Variants in ADGRB3 observed in about 807,000 individuals in gnomAD.
ADGRB3 encodes brain-specific angiogenesis inhibitor 3.
ADGRB3 carries 37 observed loss-of-function variants against 193.4 expected under a neutral mutation model. The observed-to-expected ratio is 0.19, with a 90% CI of 0.15 to 0.25. The LOEUF (loss-of-function observed/expected upper bound fraction) is 0.25, where lower values mean the gene tolerates loss of function less well. ADGRB3 is among the 10% of genes least tolerant of loss of function. ADGRB3 has a pLI of 1.00. For synonymous variants in ADGRB3, 690 were observed against 644.2 expected, an observed-to-expected ratio of 1.07 and a Z score of -1.08; for missense variants, 1,637 against 1,852.9, an observed-to-expected ratio of 0.88 and a Z score of 2.14.
At chr6:68,964,952 T>G (rs1768335744) in intron 8 of ADGRB3, among the ~76,000 whole-genome samples, 1 of 152,180 alleles carries the variant, frequency 6.6e-6, no homozygotes, top group African/African-American at 2.4e-5. Context: ...GAGAATGGAC[T>G]CAACTATTTG....
chr6:69,239,059 C>A, intron 19 of ADGRB3, 65 bp from the exon 20 acceptor site: 1 of 869,992 alleles, frequency 1.1e-6, no homozygotes, highest in Non-Finnish European at 1.8e-6. Flanking sequence ...TCAGTTTGCA[C>A]AATATATAAT....
At chr6:68,729,374 A>G (rs1317626961) in intron 3 of ADGRB3, among the ~76,000 whole-genome samples, 1 of 151,674 alleles carries the variant, frequency 6.6e-6, no homozygotes, top group Non-Finnish European at 1.5e-5. Flanking sequence ...CCTTGACTAT[A>G]GTACAGAAAT....
At chr6:68,759,896 C>T (rs1260111957) in intron 3 of ADGRB3, among the ~76,000 whole-genome samples, 2 of 151,854 alleles carry the variant, frequency 1.3e-5, no homozygotes, top group Non-Finnish European at 2.9e-5. Flanking sequence ...TAAAATTTGA[C>T]CTAACAAAAT....
chr6:69,087,021 T>TAC (rs1772570518), intron 17 of ADGRB3, among the ~76,000 whole-genome samples: 1 of 152,124 alleles, frequency 6.6e-6, no homozygotes, highest in African/African-American at 2.4e-5. Flanking sequence ...TCCAACAAGG[T>TAC]ACTACTTGCT....
chr6:69,224,451 A>G (rs1019581277), intron 17 of ADGRB3, among the ~76,000 whole-genome samples: 2 of 152,204 alleles, frequency 1.3e-5, no homozygotes, highest in African/African-American at 4.8e-5. Context: ...CCAGACCAAC[A>G]GTTTTTTTGA....
At chr6:69,334,876 A>T (rs919236243) in intron 24 of ADGRB3, among the ~76,000 whole-genome samples, 12 of 152,188 alleles carry the variant, frequency 7.9e-5, no homozygotes, top group African/African-American at 2.9e-4. Context: ...CTCATCTGTT[A>T]AATGGGGAAA....
intron 20 of ADGRB3, among the ~76,000 whole-genome samples, chr6:69,276,606 C>G (rs1448478915): frequency 2.6e-5 from 4 of 151,920 alleles, no homozygotes; most frequent in Non-Finnish European, 5.9e-5. Flanking sequence ...TTTTTTCCCC[C>G]GGGCTCAGGA....
chr6:69,140,588 G>T (rs182324555), intron 17 of ADGRB3, among the ~76,000 whole-genome samples: 2 of 151,980 alleles, frequency 1.3e-5, no homozygotes, highest in Admixed American at 1.3e-4. Context: ...GCATTTAATC[G>T]CAAAACAGGA....
intron 3 of ADGRB3, among the ~76,000 whole-genome samples, chr6:68,893,331 G>A (rs2342760): frequency 1.3e-5 from 2 of 151,726 alleles, no homozygotes; most frequent in African/African-American, 4.8e-5. Flanking sequence ...TAATAAAATT[G>A]TATTTCACTA....
chr6:69,277,657 A>T (rs184789107), intron 20 of ADGRB3, among the ~76,000 whole-genome samples: 6 of 152,232 alleles, frequency 3.9e-5, no homozygotes, highest in Admixed American at 1.3e-4. Context: ...TATAGAGCTA[A>T]TGCTTCTCCC....
chr6:68,761,001 T>C (rs1158807096), intron 3 of ADGRB3, among the ~76,000 whole-genome samples: 1 of 152,232 alleles, frequency 6.6e-6, no homozygotes. Flanking sequence ...GTCTTCCAGT[T>C]AAATGGCTTG....
At chr6:68,813,799 A>G (rs1318218789) in intron 3 of ADGRB3, among the ~76,000 whole-genome samples, 1 of 152,136 alleles carries the variant, frequency 6.6e-6, no homozygotes, top group Non-Finnish European at 1.5e-5. Context: ...GAGTGAGAAC[A>G]TGCAGTGTTT....
intron 3 of ADGRB3, among the ~76,000 whole-genome samples, chr6:68,663,522 G>C (rs1768720959): frequency 6.6e-6 from 1 of 151,624 alleles, no homozygotes; most frequent in Non-Finnish European, 1.5e-5. Flanking sequence ...TATTTGCTTA[G>C]ATCTGCCATT....
intron 20 of ADGRB3, among the ~76,000 whole-genome samples, chr6:69,306,435 A>G (rs943181778): frequency 6.6e-6 from 1 of 151,488 alleles, no homozygotes; most frequent in African/African-American, 2.4e-5. Context: ...TTCCTAAATC[A>G]TGGATTCATT....
At chr6:68,741,092 G>C (rs1386849991) in intron 3 of ADGRB3, among the ~76,000 whole-genome samples, 1 of 151,918 alleles carries the variant, frequency 6.6e-6, no homozygotes, top group African/African-American at 2.4e-5. Context: ...CAGTTTGCTT[G>C]ACAGGAAAAA....
In ADGRB3 at chr6:68,935,154, C is replaced by T. The variant is rs961565376; in HGVS notation, c.869-1365C>T. Reference sequence around the variant, plus strand: ...GATCAGTGTTTGTCCGCAAACTGGCCGTTATGGTCTCTCAAAGGAATAAGC... The same window carrying T: ...GATCAGTGTTTGTCCGCAAACTGGCTGTTATGGTCTCTCAAAGGAATAAGC... On this transcript the variant is annotated intron_variant, in intron 4 of 31. Transcript: ENST00000370598. Among the ~76,000 whole-genome samples the T allele has an allele frequency of 3.9e-5, 6 of 152,090 alleles. No homozygotes were observed. In the South Asian group the frequency reaches 1.0e-3, roughly 26 times the overall value.
At chr6:68,831,044 G>A (rs1413771067) in intron 3 of ADGRB3, among the ~76,000 whole-genome samples, 2 of 151,808 alleles carry the variant, frequency 1.3e-5, no homozygotes, top group African/African-American at 2.4e-5. Context: ...ATTATAGAAG[G>A]TGAATTGAGA....
chr6:68,799,599 A>C (rs1410128712), intron 3 of ADGRB3, among the ~76,000 whole-genome samples: 1 of 152,218 alleles, frequency 6.6e-6, no homozygotes, highest in African/African-American at 2.4e-5. Context: ...TAGGTAGTGT[A>C]CATTCTATAA....
intron 3 of ADGRB3, among the ~76,000 whole-genome samples, chr6:68,903,188 G>A (rs1263332130): frequency 6.6e-6 from 1 of 152,070 alleles, no homozygotes; most frequent in African/African-American, 2.4e-5. Context: ...GGTAGGCAAG[G>A]TGCAACTCTG....
Sources: gnomAD v4.1 joint callset for allele counts (sites outside exome capture counted in the v4.1 genomes callset) on GRCh38, gnomAD v4.1.1 for gene constraint, MANE v1.5 for transcripts, NCBI Gene and HGNC (gene_info 2026-07-23, HGNC 2026-07-21) for gene names.